Variants in XKR4 observed in about 807,000 individuals in gnomAD.
XKR4 encodes the protein XK-related protein 4.
In XKR4, 12 loss-of-function variants were observed where a neutral mutation model predicts 53.9. That is an observed-to-expected ratio of 0.22 (90% confidence interval 0.14 to 0.36). The LOEUF is 0.36. Ranked by LOEUF, XKR4 falls within the 10% of genes least tolerant of loss-of-function variation. The pLI is 1.00. For missense variants in XKR4, 799 were observed against 859.5 expected (o/e 0.93, Z 0.88); for synonymous variants, 354 against 362.4 (o/e 0.98, Z 0.26).
chr8:55,331,102 T>C (rs1803378997), intron 1 of XKR4, among the ~76,000 whole-genome samples: 1 of 152,274 alleles, frequency 6.6e-6, no homozygotes, highest in South Asian at 2.1e-4. Context: ...ACTGAAACTG[T>C]ACGCATGAAA....
chr8:55,217,576 A>T (rs1013578729), intron 1 of XKR4, among the ~76,000 whole-genome samples: 1 of 152,208 alleles, frequency 6.6e-6, no homozygotes, highest in Non-Finnish European at 1.5e-5. Context: ...TAGCCCAGAG[A>T]TACTCTTGCA....
intron 1 of XKR4, among the ~76,000 whole-genome samples, chr8:55,123,905 T>C (rs769000806): frequency 7.9e-5 from 12 of 152,316 alleles, no homozygotes; most frequent in Admixed American, 2.6e-4. Context: ...ACAATTCTCA[T>C]TGGACAAAAA....
intron 2 of XKR4, among the ~76,000 whole-genome samples, chr8:55,410,837 C>A (rs1222135751): frequency 6.6e-6 from 1 of 152,160 alleles, no homozygotes; most frequent in Non-Finnish European, 1.5e-5. Context: ...GGATTCAAAC[C>A]CACTTTGCTA....
At chr8:55,513,023 C>T (rs2129404819) in intron 2 of XKR4, among the ~76,000 whole-genome samples, 1 of 152,308 alleles carries the variant, frequency 6.6e-6, no homozygotes, top group Admixed American at 6.5e-5. Flanking sequence ...CCACCTACCC[C>T]AACACCTACT....
intron 1 of XKR4, among the ~76,000 whole-genome samples, chr8:55,195,631 G>C (rs1817495740): frequency 6.6e-6 from 1 of 152,026 alleles, no homozygotes; most frequent in African/African-American, 2.4e-5. Flanking sequence ...CAGATATTTG[G>C]AAACCATTGC....
chr8:55,233,872 G>A (rs1253289668), intron 1 of XKR4, among the ~76,000 whole-genome samples: 1 of 152,140 alleles, frequency 6.6e-6, no homozygotes, highest in Non-Finnish European at 1.5e-5. Context: ...AGAAGCAGAA[G>A]ATTATATTTC....
At chr8:55,346,261 A>G (rs571385219) in intron 1 of XKR4, among the ~76,000 whole-genome samples, 13 of 151,626 alleles carry the variant, frequency 8.6e-5, no homozygotes, top group Non-Finnish European at 1.6e-4. Context: ...AATTTTTTAT[A>G]TTTTTAGTAG....
chr8:55,472,659 C>G lies in XKR4; in HGVS notation c.1007-50622C>G, dbSNP rs1190159163. On this transcript the variant is annotated intron_variant, in intron 2 of 2. Transcript: ENST00000327381. ...CACTTCGTAGACAAGGTGATGCGCA[C>G]TGTCATATTCCAGAGAGATTTGTAA... Among the ~76,000 whole-genome samples, 2 of 152,016 alleles carry G rather than the reference C, an allele frequency of 1.3e-5. 1 individual carries two copies. The highest frequency in any genetic ancestry group is 4.8e-5 in the African/African-American group (2 of 41,314).
At chr8:55,241,282 C>T (rs1224821642) in intron 1 of XKR4, among the ~76,000 whole-genome samples, 1 of 152,194 alleles carries the variant, frequency 6.6e-6, no homozygotes, top group Non-Finnish European at 1.5e-5. Context: ...TCATAGATCC[C>T]TATCCTCATG....
At position 55,289,657 on chromosome 8, in the gene XKR4, G is replaced by A. The variant is rs1250177448; in HGVS notation, c.807-68021G>A. Among the ~76,000 whole-genome samples the A allele has an allele frequency of 2.3e-3, 191 of 83,290 alleles. 5 individuals carry two copies. The highest frequency in any genetic ancestry group is 0.014 in the Middle Eastern group (2 of 144). The allele number at this position is 83,290 out of a possible 152,430, so 54.6% of individuals were successfully genotyped here. On this transcript the variant is annotated intron_variant, in intron 1 of 2. Transcript: ENST00000327381. ...AGAAAGAAAGAAAGAAAGGAAGGAA[G>A]GAAAAGAAAAGAAAAGAAAGAGAAA...
At chr8:55,515,107 C>CT (rs1166214427) in intron 2 of XKR4, among the ~76,000 whole-genome samples, 1 of 152,196 alleles carries the variant, frequency 6.6e-6, no homozygotes, top group South Asian at 2.1e-4. Context: ...TATATTAAAA[C>CT]TTTTTTTAAT....
At chr8:55,400,000 C>T (rs940947469) in intron 2 of XKR4, among the ~76,000 whole-genome samples, 1 of 152,190 alleles carries the variant, frequency 6.6e-6, no homozygotes, top group African/African-American at 2.4e-5. Context: ...TAAGTGTATG[C>T]TGCTCTTCCT....
chr8:55,309,647 T>C (rs1206776264), intron 1 of XKR4, among the ~76,000 whole-genome samples: 1 of 152,240 alleles, frequency 6.6e-6, no homozygotes, highest in East Asian at 1.9e-4. Context: ...TGAGATATTA[T>C]ATTATAGTTT....
rs74480370 is a variant in XKR4, at chr8:55,228,616, T to C, written c.806+125322T>C. On this transcript the variant is annotated intron_variant, in intron 1 of 2. Coordinates refer to ENST00000327381, the MANE Select transcript of XKR4 (RefSeq NM_052898.2). Reference sequence around the variant, plus strand: ...CAATGTAATGTTACTATTTGCAATTTAATTGAAGAAATCACTTAAAACATG... The same window carrying C: ...CAATGTAATGTTACTATTTGCAATTCAATTGAAGAAATCACTTAAAACATG... 1.9e-3 allele frequency among the ~76,000 whole-genome samples: 297 copies of C among 152,322 alleles called. 1 individual carries two copies. The highest frequency in any genetic ancestry group is 6.9e-3 in the African/African-American group (285 of 41,570).
chr8:55,301,014 C>T (rs907763222), intron 1 of XKR4, among the ~76,000 whole-genome samples: 1 of 151,744 alleles, frequency 6.6e-6, no homozygotes, highest in African/African-American at 2.4e-5. Context: ...TATTATGATA[C>T]TTTAAGTTTT....
At chr8:55,114,747 G>T (rs1048248609) in intron 1 of XKR4, among the ~76,000 whole-genome samples, 3 of 152,128 alleles carry the variant, frequency 2.0e-5, no homozygotes, top group Non-Finnish European at 4.4e-5. Flanking sequence ...ACTCAGGGAC[G>T]TCAACTGCCT....
chr8:55,151,495 T>C (rs970680584), intron 1 of XKR4, among the ~76,000 whole-genome samples: 93 of 152,324 alleles, frequency 6.1e-4, no homozygotes, highest in African/African-American at 2.1e-3. Flanking sequence ...AATTCAAGCA[T>C]TATGCTGCAT....
At chr8:55,159,768 A>G (rs527369653) in intron 1 of XKR4, among the ~76,000 whole-genome samples, 11 of 152,334 alleles carry the variant, frequency 7.2e-5, no homozygotes, top group Admixed American at 3.3e-4. Flanking sequence ...GTAACCCATG[A>G]AGTTGAAACT....
intron 1 of XKR4, among the ~76,000 whole-genome samples, chr8:55,319,962 C>A (rs1304253148): frequency 6.6e-6 from 1 of 152,150 alleles, no homozygotes; most frequent in Non-Finnish European, 1.5e-5. Flanking sequence ...TAAGGGTGAA[C>A]CTTAGCAGTA....
Sources: gnomAD v4.1 joint callset for allele counts (sites outside exome capture counted in the v4.1 genomes callset) on GRCh38, gnomAD v4.1.1 for gene constraint, MANE v1.5 for transcripts, NCBI Gene and HGNC (gene_info 2026-07-23, HGNC 2026-07-21) for gene names.